Variants in MRPL42 observed in about 807,000 individuals in gnomAD.
The protein encoded by MRPL42 is large ribosomal subunit protein mL42.
In MRPL42, 17 loss-of-function variants were observed where a neutral mutation model predicts 17.9. The observed-to-expected ratio is 0.95, with a 90% CI of 0.65 to 1.42. MRPL42 has a LOEUF of 1.42. Ranked by LOEUF, MRPL42 falls within the 40% of genes most tolerant of loss-of-function variation. The pLI is 0.00. For missense variants in MRPL42, 177 were observed against 175.2 expected (o/e 1.01, Z -0.06); for synonymous variants, 59 against 54.4 (o/e 1.08, Z -0.37).
intron 2 of MRPL42, 127 bp from the exon 3 acceptor site, chr12:93,476,827 G>C (rs576878964): frequency 4.8e-5 from 38 of 797,172 alleles, no homozygotes; most frequent in Middle Eastern, 5.3e-4. Context: ...TGAATCCCTA[G>C]CCCCTAGCAC....
intron 5 of MRPL42, among the ~76,000 whole-genome samples, chr12:93,491,332 C>G (rs1210304602): frequency 1.3e-5 from 2 of 152,126 alleles, no homozygotes; most frequent in Non-Finnish European, 2.9e-5. Context: ...AGAGGTTAAC[C>G]TACCTAGATG....
intron 4 of MRPL42, among the ~76,000 whole-genome samples, chr12:93,481,874 A>C (rs1194688894): frequency 6.6e-6 from 1 of 152,160 alleles, no homozygotes; most frequent in Non-Finnish European, 1.5e-5. Flanking sequence ...ACAGTCCCTC[A>C]TGTATCTCAC....
Position 93,477,017 on chromosome 12 carries a change from G to T in MRPL42, c.134G>T (p.Cys45Phe). The T allele has an allele frequency of 1.3e-6, 2 of 1,573,044 alleles. No individual in the cohort carries two copies. The highest frequency in any genetic ancestry group is 1.7e-6 in the Non-Finnish European group (2 of 1,148,198). Residue 45 changes from cysteine (C) to phenylalanine (F), a missense_variant and splice_region_variant, in exon 3 of 6, where the codon TGC becomes TTC. Physicochemically the swap from Cys to Phe is radical, Grantham distance 205. Transcript: ENST00000549982. ...TYSPLPDDYN[C>F]NVELALTSDG... The stretch of plus-strand genomic sequence containing the variant: ...TCTCCTCTACCAGATGACTATAATT[G>T]GTATGTATTAAAATTCAATTGAAGA...
rs1953744131 is a variant in MRPL42, at chr12:93,513,412, C to A, written c.*12191C>A. 6.6e-6 allele frequency: 1 copy of A among 151,994 alleles called. No individual in the cohort carries two copies. Among genetic ancestry groups the A allele is most frequent in the Non-Finnish European group, 1.5e-5 (1 of 68,002 alleles). 9.4% of individuals were successfully genotyped at this position (151,994 alleles called of 1,614,324 possible). On this transcript the variant is annotated 3_prime_UTR_variant, in exon 6 of 6. Transcript: ENST00000549982. ...GTGTTACCCAGGTTGGTATCAAACTCCTGGTCTCAAGTGATCCTCCCATCT... is the reference window on the plus strand; with the variant it reads ...GTGTTACCCAGGTTGGTATCAAACTACTGGTCTCAAGTGATCCTCCCATCT...
At position 93,509,565 on chromosome 12, in the gene MRPL42, C is replaced by G. The variant is rs984178723; in HGVS notation, c.*8344C>G. The G allele has an allele frequency of 1.3e-5, 2 of 151,836 alleles. No homozygotes were observed. The highest frequency in any genetic ancestry group is 4.8e-5 in the African/African-American group (2 of 41,302). 9.4% of individuals were successfully genotyped at this position (151,836 alleles called of 1,614,324 possible). A position where few individuals can be genotyped will look rare whatever the true frequency, so the allele number is the denominator to read the frequency against. On this transcript the variant is annotated 3_prime_UTR_variant, in exon 6 of 6. Coordinates refer to ENST00000549982, the MANE Select transcript of MRPL42 (RefSeq NM_014050.4). Reference sequence around the variant, plus strand: ...GGAGGATCACTTGAGTCCAGAAGTTCTGGGTTGTAGTGAGCTATGTCAATC... The same window carrying G: ...GGAGGATCACTTGAGTCCAGAAGTTGTGGGTTGTAGTGAGCTATGTCAATC...
At chr12:93,487,014 G>A (rs183284388) in intron 4 of MRPL42, among the ~76,000 whole-genome samples, 1 of 151,752 alleles carries the variant, frequency 6.6e-6, no homozygotes, top group South Asian at 2.1e-4. Context: ...CTGTCACCCA[G>A]GCTGGAGCAC....
At chr12:93,484,975 C>CATATATATATATAT (rs1565813718) in intron 4 of MRPL42, among the ~76,000 whole-genome samples, 6 of 23,182 alleles carry the variant, frequency 2.6e-4, no homozygotes, top group Admixed American at 5.6e-4. Flanking sequence ...CACACACACA[C>CATATATATATATAT]ACACATATAT....
At chr12:93,500,437 T>G (rs1168550869) in intron 5 of MRPL42, among the ~76,000 whole-genome samples, 1 of 152,220 alleles carries the variant, frequency 6.6e-6, no homozygotes, top group Non-Finnish European at 1.5e-5. Context: ...ATGTTTGTGA[T>G]CTCAAAAACA....
Position 93,505,765 on chromosome 12 carries a change from C to A in MRPL42, c.*4544C>A, listed in dbSNP as rs1452834244. ...CCTCATACTTACATAGCATATCCTT[C>A]TGCAGAAATGCTTCACAGCCATGAC... is the stretch of plus-strand genomic sequence containing the variant. On this transcript the variant is annotated 3_prime_UTR_variant, in exon 6 of 6. Transcript: ENST00000549982. The A allele has an allele frequency of 6.6e-6, 1 of 152,182 alleles. No individual in the cohort carries two copies. Among genetic ancestry groups the A allele is most frequent in the Non-Finnish European group, 1.5e-5 (1 of 68,044 alleles). 9.4% of individuals were successfully genotyped at this position (152,182 alleles called of 1,614,324 possible).
rs368548357 is a variant in MRPL42 at position 93,476,987 on chromosome 12, C to T, written c.104C>T (p.Thr35Met). 56 of 1,608,028 alleles carry T rather than the reference C, an allele frequency of 3.5e-5. No individual in the cohort carries two copies. Among genetic ancestry groups the T allele is most frequent in the East Asian group, 1.3e-4 (6 of 44,702 alleles). ...GALYCVCHKS[T>M]YSPLPDDYNC... Reference sequence around the variant, plus strand: ...TTATATTGTGTTTGTCATAAATCTACGTATTCTCCTCTACCAGATGACTAT... The same window carrying T: ...TTATATTGTGTTTGTCATAAATCTATGTATTCTCCTCTACCAGATGACTAT... Residue 35 changes from threonine (T) to methionine (M), a missense_variant, in exon 3 of 6, where the codon ACG becomes ATG. Coordinates refer to ENST00000549982, the MANE Select transcript of MRPL42 (RefSeq NM_014050.4).
rs377625444 is a variant in MRPL42 at position 93,471,181 on chromosome 12, A to G, written c.70+1826A>G. On this transcript the variant is annotated intron_variant, in intron 2 of 5. Coordinates refer to ENST00000549982, the MANE Select transcript of MRPL42 (RefSeq NM_014050.4). ...ATCCTACTCTATTTTATTTTATTTT[A>G]TTTTTTGAGACTGGATCTTGCTCCC... is the stretch of plus-strand genomic sequence containing the variant. Among the ~76,000 whole-genome samples the G allele has an allele frequency of 1.2e-3, 187 of 152,124 alleles. 5 individuals are homozygous for G. In the South Asian group the frequency reaches 0.03, roughly 24 times the overall value.
intron 5 of MRPL42, among the ~76,000 whole-genome samples, chr12:93,490,134 G>GT (rs1284716735): frequency 6.6e-6 from 1 of 152,114 alleles, no homozygotes; most frequent in Non-Finnish European, 1.5e-5. Context: ...GCTACAATCT[G>GT]TTTTAAGCAT....
At chr12:93,500,811 C>G (rs762115321) in intron 5 of MRPL42, 12 of 160,306 alleles carry the variant, frequency 7.5e-5, no homozygotes, top group South Asian at 3.9e-4. Flanking sequence ...TAGTCAACAA[C>G]TTAGCCACGT....
chr12:93,474,743 T>C (rs1445256886), intron 2 of MRPL42, among the ~76,000 whole-genome samples: 1 of 152,174 alleles, frequency 6.6e-6, no homozygotes, highest in Non-Finnish European at 1.5e-5. Context: ...AAACTTCTTT[T>C]AATATTAACC....
intron 2 of MRPL42, 139 bp from the exon 3 acceptor site, chr12:93,476,815 G>A (rs75905184): frequency 5.5e-6 from 4 of 724,936 alleles, no homozygotes; most frequent in Non-Finnish European, 9.5e-6. Flanking sequence ...CTTGTTTGTT[G>A]TTGAATCCCT....
chr12:93,477,633 C>G (rs1828094665), intron 3 of MRPL42, among the ~76,000 whole-genome samples: 1 of 152,002 alleles, frequency 6.6e-6, no homozygotes, highest in African/African-American at 2.4e-5. Flanking sequence ...GTCTTGTTCT[C>G]TCGCTCAGGC....
At chr12:93,471,164 C>CTATTT (rs1019116584) in intron 2 of MRPL42, among the ~76,000 whole-genome samples, 6 of 152,186 alleles carry the variant, frequency 3.9e-5, no homozygotes, top group East Asian at 3.9e-4. Flanking sequence ...AGATCCTACT[C>CTATTT]TATTTTATTT....
At chr12:93,476,222 T>C (rs1177077260) in intron 2 of MRPL42, among the ~76,000 whole-genome samples, 1 of 152,180 alleles carries the variant, frequency 6.6e-6, no homozygotes, top group Non-Finnish European at 1.5e-5. Flanking sequence ...AGAGTTTCGC[T>C]CTTGCACAGG....
chr12:93,484,961 A>AACACAC (rs79607829), intron 4 of MRPL42, among the ~76,000 whole-genome samples: 3 of 26,724 alleles, frequency 1.1e-4, no homozygotes, highest in South Asian at 1.3e-3. Context: ...CTTTTTAAAA[A>AACACAC]ACACACACAC....
Sources: gnomAD v4.1 joint callset for allele counts (sites outside exome capture counted in the v4.1 genomes callset) on GRCh38, gnomAD v4.1.1 for gene constraint, MANE v1.5 for transcripts, NCBI Gene and HGNC (gene_info 2026-07-23, HGNC 2026-07-21) for gene names.